TBCD: variants seen among roughly 807,000 people sequenced by gnomAD.
The protein encoded by TBCD is tubulin folding cofactor D.
Under a neutral mutation model 169.3 loss-of-function variants are expected in TBCD, and 105 were observed. The ratio of observed to expected loss-of-function variants is 0.62; its 90% CI spans 0.53 to 0.73. The LOEUF (loss-of-function observed/expected upper bound fraction) is 0.73, where lower values mean the gene tolerates loss of function less well. Among genes scored for constraint, TBCD ranks in the 30% least tolerant of loss-of-function variants. The pLI is 0.00. For missense variants in TBCD, 1,444 were observed against 1,600.1 expected (o/e 0.90, Z 1.66); for synonymous variants, 700 against 643.9 (o/e 1.09, Z -1.32).
intron 23 of TBCD, among the ~76,000 whole-genome samples, chr17:82,916,913 C>G (rs1366249922): frequency 6.6e-6 from 1 of 151,930 alleles, no homozygotes; most frequent in Non-Finnish European, 1.5e-5. Flanking sequence ...TTTTGGGACT[C>G]TTATTACCCA....
chr17:82,798,834 C>G (rs1056795382), intron 8 of TBCD, among the ~76,000 whole-genome samples: 4 of 152,218 alleles, frequency 2.6e-5, no homozygotes, highest in Admixed American at 2.6e-4. Flanking sequence ...CTTCGACCTC[C>G]TGGGCTCAAG....
chr17:82,838,964 G>T (rs1336069848), intron 13 of TBCD: 1 of 985,370 alleles, frequency 1.0e-6, no homozygotes, highest in Non-Finnish European at 1.2e-6. Flanking sequence ...TGCTTGGTCA[G>T]TAATTGTTCT....
In TBCD at chr17:82,832,232, G is replaced by T. The variant is rs2145278641; in HGVS notation, c.1318+17298G>T. 1 of 1,614,248 alleles carries T rather than the reference G, an allele frequency of 6.2e-7. No individual in the cohort carries two copies. The highest frequency in any genetic ancestry group is 1.6e-4 in the Middle Eastern group (1 of 6,062). On this transcript the variant is annotated intron_variant, in intron 13 of 38. Coordinates refer to ENST00000355528, the MANE Select transcript of TBCD (RefSeq NM_005993.5). This position sits in a 1 kb window ranked among gnomAD's most constrained non-coding sequence, Gnocchi z 4.9. Reference sequence around the variant, plus strand: ...GCCGTGGCATCGGGCTGGTTGGTTTGCTTGGGGTCTAGTGAGTTAGATTTA... The same window carrying T: ...GCCGTGGCATCGGGCTGGTTGGTTTTCTTGGGGTCTAGTGAGTTAGATTTA...
intron 13 of TBCD, among the ~76,000 whole-genome samples, chr17:82,826,393 G>A (rs1353973806): frequency 1.3e-5 from 2 of 152,084 alleles, no homozygotes; most frequent in East Asian, 1.9e-4. Flanking sequence ...TTTAGTTTGA[G>A]TTATCTTTTG....
chr17:82,779,552 C>T (rs1598451123), intron 6 of TBCD, among the ~76,000 whole-genome samples: 1 of 152,338 alleles, frequency 6.6e-6, no homozygotes, highest in East Asian at 1.9e-4. Flanking sequence ...TTGGCAGGTG[C>T]CAGCCGTCCT....
At chr17:82,862,116 G>A (rs1010157947) in intron 13 of TBCD, among the ~76,000 whole-genome samples, 3 of 151,990 alleles carry the variant, frequency 2.0e-5, no homozygotes, top group Admixed American at 6.6e-5. Context: ...TAGAGACGGG[G>A]TTTCACCGTG....
chr17:82,787,726 A>G (rs2049417506), intron 7 of TBCD, among the ~76,000 whole-genome samples: 1 of 152,222 alleles, frequency 6.6e-6, no homozygotes, highest in Non-Finnish European at 1.5e-5. Context: ...AACAAGTACC[A>G]TCGAAACCAG....
rs563690997 is a variant in TBCD, at chr17:82,789,822, C to T, written c.772-7935C>T. 2.0e-5 allele frequency among the ~76,000 whole-genome samples: 3 copies of T among 152,196 alleles called. No individual in the cohort carries two copies. The highest frequency in any genetic ancestry group is 4.4e-5 in the Non-Finnish European group (3 of 68,026). On this transcript the variant is annotated intron_variant, in intron 7 of 38. Coordinates refer to ENST00000355528, the MANE Select transcript of TBCD (RefSeq NM_005993.5). This position sits in a 1 kb window ranked among gnomAD's most constrained non-coding sequence, Gnocchi z 4.8. ...GGTACACGTGTGACACTTCAGAACC[C>T]GCAAGTCCCAGGTCACACCTGTTGT... is the stretch of plus-strand genomic sequence containing the variant.
chr17:82,767,903 G>A (rs974460102), intron 4 of TBCD, among the ~76,000 whole-genome samples: 1 of 151,466 alleles, frequency 6.6e-6, no homozygotes, highest in Non-Finnish European at 1.5e-5. Flanking sequence ...TGCAGTGAGC[G>A]AGGTTGCGCC....
intron 13 of TBCD, among the ~76,000 whole-genome samples, chr17:82,824,214 C>T (rs1453034493): frequency 6.6e-6 from 1 of 151,732 alleles, no homozygotes; most frequent in South Asian, 2.1e-4. Context: ...CAGAGTCTTG[C>T]TCTATCACCC....
In TBCD at chr17:82,906,000, C is replaced by T. The variant is rs749834971; in HGVS notation, c.1869C>T (p.Leu623=). 2.0e-5 allele frequency: 33 copies of T among 1,612,978 alleles called. No individual in the cohort carries two copies. The highest frequency in any genetic ancestry group is 8.3e-5 in the Admixed American group (5 of 59,910). Residue 623 remains leucine (L), a synonymous_variant, in exon 20 of 39, where the codon CTC becomes CTT. Coordinates refer to ENST00000355528, the MANE Select transcript of TBCD (RefSeq NM_005993.5). The part of the protein sequence containing the change: ...PDLHMRHGSI[L]ACAEVAYALY... ...TTCACATGAGGCATGGGTCGATTCT[C>T]GCCTGCGCAGAAGTTGCTTACGCCT...
intron 13 of TBCD, among the ~76,000 whole-genome samples, chr17:82,869,195 T>C (rs2057390210): frequency 6.6e-6 from 1 of 152,224 alleles, no homozygotes. Context: ...CTCAAGTATT[T>C]ATTCCAAAGC....
intron 5 of TBCD, among the ~76,000 whole-genome samples, chr17:82,769,399 G>A (rs1201814368): frequency 6.6e-6 from 1 of 152,154 alleles, no homozygotes; most frequent in African/African-American, 2.4e-5. Context: ...GCAAGTCACC[G>A]AGTCCAGCCT....
At position 82,806,042 on chromosome 17, in the gene TBCD, C is replaced by A. The variant is rs775114412; in HGVS notation, c.1087+31C>A. The A allele has an allele frequency of 5.6e-6, 9 of 1,602,200 alleles. No individual in the cohort carries two copies. The South Asian group carries it at 9.9e-5, about 18-fold the overall frequency. Reference sequence around the variant, plus strand: ...TGGGGTCTAAGCGGCGGCCTCTGCTCTTGGGCACCGTCGGGCCAATTCCCC... The same window carrying A: ...TGGGGTCTAAGCGGCGGCCTCTGCTATTGGGCACCGTCGGGCCAATTCCCC... On this transcript the variant is annotated intron_variant, in intron 10 of 38. Coordinates refer to ENST00000355528, the MANE Select transcript of TBCD (RefSeq NM_005993.5). The surrounding 1 kb of genome is among the most constrained non-coding windows in gnomAD (Gnocchi z 5.1).
chr17:82,895,195 G>A (rs2059394953), intron 17 of TBCD, among the ~76,000 whole-genome samples: 1 of 152,240 alleles, frequency 6.6e-6, no homozygotes, highest in Admixed American at 6.5e-5. Flanking sequence ...ACGATGCCAG[G>A]CCCTGCGTGC....
At chr17:82,834,890 A>T (rs577181247) in intron 13 of TBCD, among the ~76,000 whole-genome samples, 1 of 152,156 alleles carries the variant, frequency 6.6e-6, no homozygotes, top group South Asian at 2.1e-4. Flanking sequence ...TAAAAAAAAA[A>T]TACATTAAAG....
At position 82,789,144 on chromosome 17, in the gene TBCD, T is replaced by C. The variant is rs1395570296; in HGVS notation, c.771+7423T>C. Among the ~76,000 whole-genome samples the C allele has an allele frequency of 2.0e-5, 3 of 152,200 alleles. No individual in the cohort carries two copies. Among genetic ancestry groups the C allele is most frequent in the Non-Finnish European group, 4.4e-5 (3 of 68,024 alleles). ...GGGTACTTTCCAGAGATCATGCTCC[T>C]GTAGCATTTGGGTGAAACGAGGTAC... On this transcript the variant is annotated intron_variant, in intron 7 of 38. Coordinates refer to ENST00000355528, the MANE Select transcript of TBCD (RefSeq NM_005993.5). This position sits in a 1 kb window ranked among gnomAD's most constrained non-coding sequence, Gnocchi z 4.8.
At chr17:82,908,492 G>C (rs763806240) in intron 21 of TBCD, 35 of 403,358 alleles carry the variant, frequency 8.7e-5, no homozygotes, top group Admixed American at 5.8e-5. Context: ...AATTGTTCAC[G>C]AGGGATTACG....
rs919783110 is a variant in TBCD at position 82,930,440 on chromosome 17, G to C, written c.2992-82G>C. 1 of 1,545,002 alleles carries C rather than the reference G, an allele frequency of 6.5e-7. No individual in the cohort carries two copies. On this transcript the variant is annotated intron_variant, in intron 32 of 38. Coordinates refer to ENST00000355528, the MANE Select transcript of TBCD (RefSeq NM_005993.5). The surrounding 1 kb of genome is among the most constrained non-coding windows in gnomAD (Gnocchi z 5.2). The stretch of plus-strand genomic sequence containing the variant: ...CTCGGAGCAGTTCTGCTCTTCAGCA[G>C]ATGCTTGACCGGCTGTAGCCAAGCC...
Sources: gnomAD v4.1 joint callset for allele counts (sites outside exome capture counted in the v4.1 genomes callset) on GRCh38, gnomAD v4.1.1 for gene constraint, Gnocchi (gnomAD v3.1) non-coding constraint, MANE v1.5 for transcripts, NCBI Gene and HGNC (gene_info 2026-07-23, HGNC 2026-07-21) for gene names.